The following JAK2 variants were observed in gnomAD, a reference collection of about 807,000 sequenced individuals.
JAK2 encodes the protein tyrosine-protein kinase JAK2.
JAK2 carries 86 observed loss-of-function variants against 139.3 expected under a neutral mutation model. The observed-to-expected ratio is 0.62, with a 90% CI of 0.52 to 0.74. The LOEUF (loss-of-function observed/expected upper bound fraction) is 0.74. Ranked by LOEUF, JAK2 falls within the 30% of genes least tolerant of loss-of-function variation. The pLI is 0.00. For missense variants in JAK2, 1,421 were observed against 1,360.3 expected (o/e 1.04, Z -0.70); for synonymous variants, 490 against 437.7 (o/e 1.12, Z -1.49).
intron 8 of JAK2, among the ~76,000 whole-genome samples, chr9:5,062,192 T>A (rs1031142193): frequency 6.6e-6 from 1 of 152,048 alleles, no homozygotes; most frequent in Non-Finnish European, 1.5e-5. Context: ...AACCTGCATA[T>A]GTGTAGGGCT....
chr9:5,006,375 T>C (rs1251213023), intron 2 of JAK2, among the ~76,000 whole-genome samples: 1 of 152,208 alleles, frequency 6.6e-6, no homozygotes, highest in Non-Finnish European at 1.5e-5. Context: ...GCTTATCAGC[T>C]TAAGGAGATT....
At chr9:5,048,067 A>T (rs1563955779) in intron 5 of JAK2, among the ~76,000 whole-genome samples, 1 of 152,046 alleles carries the variant, frequency 6.6e-6, no homozygotes, top group East Asian at 1.9e-4. Flanking sequence ...CATTTTTCAT[A>T]TATTTATTGT....
intron 2 of JAK2, among the ~76,000 whole-genome samples, chr9:5,015,533 CTTTTCTTT>C (rs1821990949): frequency 1.5e-5 from 2 of 131,510 alleles, no homozygotes; most frequent in Admixed American, 7.5e-5. Context: ...TTTTCTTTTT[CTTTTCTTT>C]TTTTTTTTTT....
At chr9:5,094,590 C>G (rs892427366) in intron 22 of JAK2, 1 of 152,122 alleles carries the variant, frequency 6.6e-6, no homozygotes, top group Non-Finnish European at 1.5e-5. Context: ...ATTACTCTGA[C>G]CGCTCCTACC....
Position 5,062,078 on chromosome 9 carries a change from C to T in JAK2, c.1057-2805C>T, listed in dbSNP as rs115353211. On this transcript the variant is annotated intron_variant, in intron 8 of 24. Coordinates refer to ENST00000381652, the MANE Select transcript of JAK2 (RefSeq NM_004972.4). ...AGTGTGTGGTGCCCCAAAACAATTACAGTTGACCCTTGGACATCACAGGTT... is the reference window on the plus strand; with the variant it reads ...AGTGTGTGGTGCCCCAAAACAATTATAGTTGACCCTTGGACATCACAGGTT... 3.9e-3 allele frequency among the ~76,000 whole-genome samples: 587 copies of T among 152,232 alleles called. 3 individuals carry two copies. The highest frequency in any genetic ancestry group is 0.014 in the African/African-American group (561 of 41,522).
chr9:4,994,589 C>G (rs567903690), intron 2 of JAK2, among the ~76,000 whole-genome samples: 5 of 152,328 alleles, frequency 3.3e-5, no homozygotes, highest in African/African-American at 1.2e-4. Flanking sequence ...GATTGTTTCT[C>G]TTGCACCTAC....
At chr9:5,075,034 C>T (rs1019526768) in intron 14 of JAK2, among the ~76,000 whole-genome samples, 1 of 151,972 alleles carries the variant, frequency 6.6e-6, no homozygotes, top group African/African-American at 2.4e-5. Context: ...TCAAACCAGT[C>T]ACAACATTCC....
intron 22 of JAK2, among the ~76,000 whole-genome samples, chr9:5,092,290 C>G (rs538840883): frequency 6.6e-6 from 1 of 152,238 alleles, no homozygotes; most frequent in South Asian, 2.1e-4. Context: ...AGCACGCACA[C>G]ACTGCCTGTC....
At chr9:5,084,956 A>G in intron 19 of JAK2, 1 of 670,738 alleles carries the variant, frequency 1.5e-6, no homozygotes, top group Non-Finnish European at 2.7e-6. Flanking sequence ...ATTCTTAGGC[A>G]CAGTCTGAGA....
intron 13 of JAK2, 98 bp downstream of exon 13, chr9:5,072,724 G>T: frequency 2.2e-6 from 2 of 927,826 alleles, no homozygotes; most frequent in Middle Eastern, 3.8e-4. Flanking sequence ...TTTCAAAATT[G>T]TAATTTTTAA....
intron 23 of JAK2, among the ~76,000 whole-genome samples, chr9:5,124,894 A>G (rs778919722): frequency 1.5e-4 from 22 of 151,622 alleles, no homozygotes; most frequent in Admixed American, 6.6e-5. Flanking sequence ...TTTTAAGGCA[A>G]TATCAAACAA....
intron 15 of JAK2, 61 bp downstream of exon 15, chr9:5,077,641 TTA>T: frequency 9.2e-7 from 1 of 1,092,698 alleles, no homozygotes; most frequent in Non-Finnish European, 1.2e-6. Flanking sequence ...AATATACAAA[TTA>T]TCTTTACCTG....
chr9:5,102,692 C>A (rs1448544231), intron 22 of JAK2, among the ~76,000 whole-genome samples: 1 of 152,206 alleles, frequency 6.6e-6, no homozygotes, highest in Admixed American at 6.5e-5. Flanking sequence ...AACAGCGGAT[C>A]TCTCAGCAGA....
At chr9:5,034,827 C>T (rs1823450017) in intron 4 of JAK2, among the ~76,000 whole-genome samples, 1 of 152,102 alleles carries the variant, frequency 6.6e-6, no homozygotes, top group African/African-American at 2.4e-5. Context: ...ATTAAAAGAA[C>T]TAGAAAACCA....
Position 5,054,338 on chromosome 9 carries a change from A to C in JAK2, c.615-225A>C, listed in dbSNP as rs1488715145. 6.6e-6 allele frequency among the ~76,000 whole-genome samples: 1 copy of C among 152,040 alleles called. No individual in the cohort carries two copies. Among genetic ancestry groups the C allele is most frequent in the Admixed American group, 6.6e-5 (1 of 15,256 alleles). Reference sequence around the variant, plus strand: ...AGAAGATTAACATCTTCTTTTGTAAACATTGATGATAACTTAGAGTGTGTG... The same window carrying C: ...AGAAGATTAACATCTTCTTTTGTAACCATTGATGATAACTTAGAGTGTGTG... On this transcript the variant is annotated intron_variant, in intron 6 of 24. Coordinates refer to ENST00000381652, the MANE Select transcript of JAK2 (RefSeq NM_004972.4). The surrounding 1 kb of genome is among the most constrained non-coding windows in gnomAD (Gnocchi z 4.9).
intron 22 of JAK2, chr9:5,113,884 A>T (rs1481575507): frequency 4.7e-6 from 1 of 214,190 alleles, no homozygotes; most frequent in Non-Finnish European, 9.5e-6. Context: ...CACCGTGAAG[A>T]TCTTACAGTC....
At chr9:5,112,586 A>T (rs1000541579) in intron 22 of JAK2, 34 of 723,652 alleles carry the variant, frequency 4.7e-5, no homozygotes, top group South Asian at 1.1e-4. Flanking sequence ...GTCCCTTAAG[A>T]GGGCTCTTAA....
At chr9:5,034,397 G>T (rs1334111829) in intron 4 of JAK2, among the ~76,000 whole-genome samples, 5 of 152,148 alleles carry the variant, frequency 3.3e-5, no homozygotes, top group Non-Finnish European at 5.9e-5. Flanking sequence ...AGACCTAATA[G>T]ACATCTACAG....
intron 8 of JAK2, among the ~76,000 whole-genome samples, chr9:5,060,840 A>C (rs913722839): frequency 1.1e-4 from 17 of 152,206 alleles, no homozygotes; most frequent in African/African-American, 4.1e-4. Flanking sequence ...ATGAATCACT[A>C]TCTATGGCAG....
Sources: allele counts gnomAD v4.1 joint callset (sites outside exome capture counted in the v4.1 genomes callset), GRCh38; gene constraint gnomAD v4.1.1; non-coding constraint Gnocchi (gnomAD v3.1); transcripts MANE v1.5; gene names NCBI Gene and HGNC (gene_info 2026-07-23, HGNC 2026-07-21).